Variants in MUSK observed in about 807,000 individuals in gnomAD.
The protein encoded by MUSK is muscle, skeletal receptor tyrosine-protein kinase.
A neutral mutation model predicts 88.7 loss-of-function variants in MUSK; 55 were observed. That is an observed-to-expected ratio of 0.62 (90% CI 0.50 to 0.78). MUSK has a LOEUF of 0.78. Ranked by LOEUF, MUSK falls within the 30% of genes least tolerant of loss-of-function variation. MUSK has a pLI of 0.00. For synonymous variants in MUSK, 387 were observed against 391.9 expected (o/e 0.99, Z 0.15); for missense variants, 1,015 against 1,074.3 (o/e 0.94, Z 0.77).
At chr9:110,767,750 A>G in intron 8 of MUSK, 70 bp from the exon 9 acceptor site, 2 of 1,595,550 alleles carry the variant, frequency 1.3e-6, no homozygotes, top group African/African-American at 1.3e-5. Context: ...AAACCAAAAA[A>G]AAAAAGAAAA....
At chr9:110,689,185 A>AATATAAATAAAC (rs1335943191) in intron 3 of MUSK, among the ~76,000 whole-genome samples, 4,975 of 61,272 alleles carry the variant, frequency 0.081, 127 homozygotes, top group African/African-American at 0.092. Context: ...ATTTATATAA[A>AATATAAATAAAC]TATATCATAT....
At chr9:110,717,805 T>G (rs1294794981) in intron 5 of MUSK, among the ~76,000 whole-genome samples, 1 of 137,452 alleles carries the variant, frequency 7.3e-6, no homozygotes, top group Admixed American at 6.9e-5. Context: ...TCATTGTAAC[T>G]ATAATTCTTT....
At chr9:110,771,370 G>A (rs915137170) in intron 9 of MUSK, among the ~76,000 whole-genome samples, 5 of 151,952 alleles carry the variant, frequency 3.3e-5, no homozygotes, top group African/African-American at 9.7e-5. Flanking sequence ...GATTACAGGC[G>A]TGAGCCACCG....
intron 1 of MUSK, among the ~76,000 whole-genome samples, chr9:110,681,170 T>C: frequency 1.2e-5 from 1 of 86,208 alleles, no homozygotes; most frequent in South Asian, 3.2e-4. Flanking sequence ...TAAAAATTAT[T>C]ATAATATATA....
chr9:110,692,954 G>A (rs935858102), intron 3 of MUSK, among the ~76,000 whole-genome samples: 1 of 152,020 alleles, frequency 6.6e-6, no homozygotes, highest in African/African-American at 2.4e-5. Context: ...TACATGGAGT[G>A]TTCAGTTAAT....
intron 5 of MUSK, among the ~76,000 whole-genome samples, chr9:110,698,112 C>G (rs2076457205): frequency 6.6e-6 from 1 of 152,130 alleles, no homozygotes; most frequent in African/African-American, 2.4e-5. Context: ...TCCTTCTTGA[C>G]CTAAAATTGC....
intron 1 of MUSK, among the ~76,000 whole-genome samples, chr9:110,679,631 C>A (rs1479408950): frequency 1.3e-5 from 2 of 151,876 alleles, no homozygotes; most frequent in African/African-American, 4.8e-5. Flanking sequence ...TCCTCCTCTT[C>A]TTCCTGTTTG....
chr9:110,754,471 C>T (rs2077286519), intron 7 of MUSK, among the ~76,000 whole-genome samples: 1 of 152,186 alleles, frequency 6.6e-6, no homozygotes, highest in South Asian at 2.1e-4. Flanking sequence ...CCTTCCTCAT[C>T]TCCTAGCCAT....
intron 8 of MUSK, among the ~76,000 whole-genome samples, chr9:110,762,960 T>C (rs1223823405): frequency 6.6e-6 from 1 of 152,170 alleles, no homozygotes; most frequent in East Asian, 1.9e-4. Flanking sequence ...CCACTGAGAA[T>C]AGATTTTAAG....
chr9:110,743,624 A>G (rs2077131496), intron 6 of MUSK, among the ~76,000 whole-genome samples: 1 of 152,210 alleles, frequency 6.6e-6, no homozygotes, highest in Admixed American at 6.5e-5. Context: ...TAAAATAAAC[A>G]GCCAAATCAC....
At position 110,734,318 on chromosome 9, in the gene MUSK, C is replaced by T. The variant is rs1454937404; in HGVS notation, c.696C>T (p.His232=). 1 of 1,613,320 alleles carries T rather than the reference C, an allele frequency of 6.2e-7. No individual in the cohort carries two copies. The highest frequency in any genetic ancestry group is 8.5e-7 in the Non-Finnish European group (1 of 1,179,480). ...CCTTTGGCTCCTTTGTGACCCTGCA[C>T]TGTACAGCAACAGGCATTCCTGTCC... ...NVTFGSFVTL[H]CTATGIPVPT... Residue 232 remains histidine (H), a synonymous_variant, in exon 6 of 15, where the codon CAC becomes CAT. Coordinates refer to ENST00000374448, the MANE Select transcript of MUSK (RefSeq NM_005592.4).
chr9:110,755,954 A>ATATATATATACG lies in MUSK; in HGVS notation c.914-6237_914-6236insGTATATATATAC, dbSNP rs1564268742. Among the ~76,000 whole-genome samples, 613 of 110,508 alleles carry ATATATATATACG rather than the reference A, an allele frequency of 5.5e-3. 25 individuals carry two copies. The highest frequency in any genetic ancestry group is 0.019 in the African/African-American group (589 of 30,854). The allele number at this position is 110,508 out of a possible 152,430, so 72.5% of individuals were successfully genotyped here. On this transcript the variant is annotated intron_variant, in intron 7 of 14. Coordinates refer to ENST00000374448, the MANE Select transcript of MUSK (RefSeq NM_005592.4). ...TATACATATATATATATATATACAC[A>ATATATATATACG]TATATATATACATATATATATATAC...
chr9:110,790,110 G>C (rs1411534956), intron 14 of MUSK, among the ~76,000 whole-genome samples: 1 of 152,164 alleles, frequency 6.6e-6, no homozygotes, highest in Non-Finnish European at 1.5e-5. Context: ...AAGAGAGTGT[G>C]GTGTCCTGGA....
intron 6 of MUSK, among the ~76,000 whole-genome samples, chr9:110,738,283 C>A (rs921862089): frequency 1.4e-5 from 2 of 138,652 alleles, no homozygotes; most frequent in Non-Finnish European, 3.3e-5. Context: ...ATTTCAGGTC[C>A]ATAAACAAGG....
At position 110,701,670 on chromosome 9, in the gene MUSK, AT is replaced by A. The variant is rs1289793997; in HGVS notation, c.628+4208del. On this transcript the variant is annotated intron_variant, in intron 5 of 14. Coordinates refer to ENST00000374448, the MANE Select transcript of MUSK (RefSeq NM_005592.4). ...CTCAGCTATTTATTTTATTTATTTTATTTTATTTTTTTTACTTTACTTTATT... is the reference window on the plus strand; with the variant it reads ...CTCAGCTATTTATTTTATTTATTTTATTTATTTTTTTTACTTTACTTTATT... Among the ~76,000 whole-genome samples, 22 of 24,194 alleles carry A rather than the reference AT, an allele frequency of 9.1e-4. 7 individuals are homozygous for A. The highest frequency in any genetic ancestry group is 4.3e-3 in the African/African-American group (13 of 3,050). The allele number at this position is 24,194 out of a possible 152,430, so 15.9% of individuals were successfully genotyped here.
chr9:110,682,286 T>C (rs532066565), intron 1 of MUSK, among the ~76,000 whole-genome samples: 40 of 152,240 alleles, frequency 2.6e-4, no homozygotes, highest in Middle Eastern at 3.4e-3. Context: ...TATTATCCTT[T>C]TCCACCCTGA....
At chr9:110,782,301 G>A (rs981624548) in intron 11 of MUSK, among the ~76,000 whole-genome samples, 1 of 152,200 alleles carries the variant, frequency 6.6e-6, no homozygotes, top group Admixed American at 6.5e-5. Flanking sequence ...GATCATTGAT[G>A]TAGTTCAAGG....
At chr9:110,682,626 T>C (rs750620763) in intron 1 of MUSK, 48 bp from the exon 2 acceptor site, 2 of 1,597,352 alleles carry the variant, frequency 1.3e-6, no homozygotes, top group East Asian at 4.5e-5. Flanking sequence ...GAAGGGTTAG[T>C]AAACAAAATT....
At chr9:110,711,018 A>G (rs1352710547) in intron 5 of MUSK, among the ~76,000 whole-genome samples, 4 of 152,104 alleles carry the variant, frequency 2.6e-5, no homozygotes, top group Non-Finnish European at 5.9e-5. Flanking sequence ...CAAACACCGC[A>G]TGTTCTCACT....
Sources: allele counts gnomAD v4.1 joint callset (sites outside exome capture counted in the v4.1 genomes callset), GRCh38; gene constraint gnomAD v4.1.1; transcripts MANE v1.5; gene names NCBI Gene and HGNC (gene_info 2026-07-23, HGNC 2026-07-21).